Variants in CRB1 observed in about 807,000 individuals in gnomAD.
CRB1 encodes the protein protein crumbs homolog 1.
In CRB1, 83 loss-of-function variants were observed where a neutral mutation model predicts 120.0. The observed-to-expected ratio is 0.69, with a 90% CI of 0.58 to 0.83. CRB1 has a LOEUF of 0.83. CRB1 is among the 40% of genes least tolerant of loss of function. The pLI is 0.00. For missense variants in CRB1, 1,699 were observed against 1,687.6 expected (o/e 1.01, Z -0.12); for synonymous variants, 625 against 612.5 (o/e 1.02, Z -0.30).
intron 5 of CRB1, among the ~76,000 whole-genome samples, chr1:197,371,802 C>T (rs138894630): frequency 4.7e-4 from 72 of 152,228 alleles, no homozygotes; most frequent in Non-Finnish European, 7.1e-4. Flanking sequence ...ATCGCTTTTA[C>T]GGTAAGCAGT....
At chr1:197,326,928 T>G (rs1658526206) in intron 1 of CRB1, among the ~76,000 whole-genome samples, 1 of 151,474 alleles carries the variant, frequency 6.6e-6, no homozygotes, top group South Asian at 2.1e-4. Flanking sequence ...ACTTGTACCT[T>G]TTTAATTATT....
intron 5 of CRB1, among the ~76,000 whole-genome samples, chr1:197,367,029 T>A (rs748165865): frequency 1.3e-5 from 2 of 152,252 alleles, no homozygotes; most frequent in Non-Finnish European, 2.9e-5. Flanking sequence ...TTTAAATGTC[T>A]GTGCATTTAC....
intron 5 of CRB1, among the ~76,000 whole-genome samples, chr1:197,410,367 G>T (rs1663642409): frequency 6.6e-6 from 1 of 152,194 alleles, no homozygotes; most frequent in African/African-American, 2.4e-5. Flanking sequence ...GTTCTGCATA[G>T]TTGAGGTCAC....
the CRB1 span, among the ~76,000 whole-genome samples, chr1:197,209,417 C>T: frequency 1.3e-5 from 2 of 152,142 alleles, no homozygotes; most frequent in African/African-American, 4.8e-5. Flanking sequence ...GCGATCTTGG[C>T]TCACTGCAAC....
chr1:197,462,840 A>G (rs952078540), intron 11 of CRB1, among the ~76,000 whole-genome samples: 1 of 152,018 alleles, frequency 6.6e-6, no homozygotes. Flanking sequence ...ATAACGCCAG[A>G]GTGTCATGTA....
At chr1:197,288,749 AAG>A (rs1655985617) in intron 1 of CRB1, among the ~76,000 whole-genome samples, 1 of 151,786 alleles carries the variant, frequency 6.6e-6, no homozygotes, top group Non-Finnish European at 1.5e-5. Context: ...TAGTGATTTG[AAG>A]ACATAGCAAT....
intron 1 of CRB1, among the ~76,000 whole-genome samples, chr1:197,317,853 G>C (rs969894820): frequency 6.6e-6 from 1 of 151,604 alleles, no homozygotes; most frequent in African/African-American, 2.4e-5. Context: ...ACTCAAAATT[G>C]ATTAAAGACT....
chr1:197,447,236 T>G (rs1571582914), intron 11 of CRB1, among the ~76,000 whole-genome samples: 1 of 152,326 alleles, frequency 6.6e-6, no homozygotes, highest in Non-Finnish European at 1.5e-5. Context: ...TCAAGTTCAC[T>G]GAGGCTGATG....
intron 1 of CRB1, among the ~76,000 whole-genome samples, chr1:197,283,135 T>C (rs752283959): frequency 4.6e-5 from 7 of 151,736 alleles, no homozygotes; most frequent in Non-Finnish European, 1.0e-4. Flanking sequence ...AATAAACACA[T>C]CAGGATGTCA....
At chr1:197,430,750 T>C (rs1265796671) in intron 8 of CRB1, among the ~76,000 whole-genome samples, 1 of 152,196 alleles carries the variant, frequency 6.6e-6, no homozygotes, top group African/African-American at 2.4e-5. Flanking sequence ...ATCTCTTTCA[T>C]CATGAGAATA....
chr1:197,247,599 C>T, the CRB1 span, among the ~76,000 whole-genome samples: 2 of 152,052 alleles, frequency 1.3e-5, no homozygotes, highest in African/African-American at 4.8e-5. Flanking sequence ...CTGACAAGGT[C>T]TGACCTTGCT....
intron 5 of CRB1, among the ~76,000 whole-genome samples, chr1:197,398,479 G>A (rs535693397): frequency 6.6e-6 from 1 of 152,186 alleles, no homozygotes; most frequent in South Asian, 2.1e-4. Context: ...GAGAAGTGAT[G>A]GATATCCAAA....
At chr1:197,269,370 C>T (rs1007491475) in intron 1 of CRB1, among the ~76,000 whole-genome samples, 1 of 152,148 alleles carries the variant, frequency 6.6e-6, no homozygotes, top group Admixed American at 6.5e-5. Context: ...GTTACTTGTA[C>T]GGTTTACAGT....
At chr1:197,351,649 T>C (rs910295531) in intron 4 of CRB1, among the ~76,000 whole-genome samples, 1 of 152,118 alleles carries the variant, frequency 6.6e-6, no homozygotes, top group Non-Finnish European at 1.5e-5. Flanking sequence ...CAGGGAAATC[T>C]AGTGAGTAGA....
chr1:197,369,332 G>A (rs1661245572), intron 5 of CRB1, among the ~76,000 whole-genome samples: 1 of 151,922 alleles, frequency 6.6e-6, no homozygotes, highest in African/African-American at 2.4e-5. Flanking sequence ...AAGACCCTCA[G>A]AAACACCCCT....
chr1:197,351,565 C>G lies in CRB1; in HGVS notation c.988+4086C>G, dbSNP rs75687625. Among the ~76,000 whole-genome samples the G allele has an allele frequency of 1.8e-3, 272 of 152,128 alleles. 2 individuals carry two copies. Among genetic ancestry groups the G allele is most frequent in the Non-Finnish European group, 2.6e-3 (174 of 67,990 alleles). ...TGCCAACTACGGGGCAGAGAAATAA[C>G]AAAATTTGCTTTGTTAATTTCAAAA... On this transcript the variant is annotated intron_variant, in intron 4 of 11. Coordinates refer to ENST00000367400, the MANE Select transcript of CRB1 (RefSeq NM_201253.3).
intron 5 of CRB1, among the ~76,000 whole-genome samples, chr1:197,379,051 G>A (rs955938497): frequency 1.3e-5 from 2 of 152,166 alleles, no homozygotes; most frequent in East Asian, 3.9e-4. Flanking sequence ...AGGCATCCTT[G>A]CAAAGAAAAA....
intron 11 of CRB1, among the ~76,000 whole-genome samples, chr1:197,450,819 G>A (rs1665930353): frequency 1.4e-5 from 2 of 142,206 alleles, no homozygotes; most frequent in East Asian, 2.1e-4. Context: ...AATTAGCTGG[G>A]CGTGGTGGCC....
chr1:197,256,060 T>C, the CRB1 span, among the ~76,000 whole-genome samples: 1 of 147,426 alleles, frequency 6.8e-6, no homozygotes. Flanking sequence ...CAATCTGCAC[T>C]TATTTCTCCT....
Sources: gnomAD v4.1 joint callset for allele counts (sites outside exome capture counted in the v4.1 genomes callset) on GRCh38, gnomAD v4.1.1 for gene constraint, MANE v1.5 for transcripts, NCBI Gene and HGNC (gene_info 2026-07-23, HGNC 2026-07-21) for gene names.